Variants in PPP2R5E observed in about 807,000 individuals in gnomAD.
PPP2R5E encodes protein phosphatase 2 regulatory subunit B'epsilon.
A neutral mutation model predicts 65.3 loss-of-function variants in PPP2R5E; 4 were observed. The ratio of observed to expected loss-of-function variants is 0.06; its 90% CI spans 0.03 to 0.14. PPP2R5E has a LOEUF of 0.14. Ranked by LOEUF, PPP2R5E falls within the 10% of genes least tolerant of loss-of-function variation. The probability of loss-of-function intolerance (pLI) is 1.00; values close to 1 mark genes in which losing one functional copy is unlikely to be tolerated. For synonymous variants in PPP2R5E, 183 were observed against 187.4 expected, an observed-to-expected ratio of 0.98 and a Z score of 0.19; for missense variants, 274 against 556.1, an observed-to-expected ratio of 0.49 and a Z score of 5.10.
In PPP2R5E at chr14:63,384,487, T is replaced by C; in HGVS notation, c.1159A>G (p.Met387Val). The change falls in exon 12 of 14, where the codon ATG (methionine) becomes GTG (valine). Residue 387 changes from methionine (M) to valine (V), a missense_variant. This residue lies in a region of PPP2R5E where 129 missense variants were observed against 254.9 expected (regional missense o/e 0.51). Coordinates refer to ENST00000337537, the MANE Select transcript of PPP2R5E (RefSeq NM_006246.5). Reference protein sequence around the residue: ...EENSNVILPIMFSSLYRISKE... With the variant: ...EENSNVILPIVFSSLYRISKE... ...GAAATCCTATAAAGGCTGGAAAACA[T>C]GATGGGAAGGATGACGTTAGAGTTT... is the stretch of plus-strand genomic sequence containing the variant. 1 of 1,613,866 alleles carries C rather than the reference T, an allele frequency of 6.2e-7. No homozygotes were observed. Among genetic ancestry groups the C allele is most frequent in the Non-Finnish European group, 8.5e-7 (1 of 1,179,878 alleles).
intron 2 of PPP2R5E, among the ~76,000 whole-genome samples, chr14:63,478,589 G>GTATAC (rs3080649): frequency 0.33 from 49,403 of 151,504 alleles, 10,683 homozygotes; most frequent in African/African-American, 0.62. Flanking sequence ...GGAAAACACG[G>GTATAC]TCATGGGAGA....
chr14:63,385,050 G>A (rs1884583509), intron 11 of PPP2R5E, among the ~76,000 whole-genome samples: 1 of 152,002 alleles, frequency 6.6e-6, no homozygotes, highest in African/African-American at 2.4e-5. Context: ...AAGTGGGCCA[G>A]GCACGGTGGC....
At chr14:63,446,934 T>G (rs1052379985) in intron 3 of PPP2R5E, among the ~76,000 whole-genome samples, 1 of 152,110 alleles carries the variant, frequency 6.6e-6, no homozygotes, top group Non-Finnish European at 1.5e-5. Context: ...AGTAATACTT[T>G]GGGGGAAAAG....
At chr14:63,542,559 A>G (rs1893943279) in intron 1 of PPP2R5E, among the ~76,000 whole-genome samples, 1 of 152,134 alleles carries the variant, frequency 6.6e-6, no homozygotes, top group Non-Finnish European at 1.5e-5. Context: ...AAGGTGGAGA[A>G]AAAGGGGGGA....
rs1386045885 is a variant in PPP2R5E, at chr14:63,511,314, AT to A, written c.157+28214del. ...GCTTTAGAGAACCCCACAAGCCACC[AT>A]GTGGAGAAGCCCAGGCTAACCTGCT... On this transcript the variant is annotated intron_variant, in intron 2 of 13. Transcript: ENST00000337537. 2.6e-5 allele frequency among the ~76,000 whole-genome samples: 4 copies of A among 152,312 alleles called. No individual in the cohort carries two copies. The East Asian group carries it at 7.7e-4, about 29-fold the overall frequency.
chr14:63,491,744 G>A (rs1029693800), intron 2 of PPP2R5E, among the ~76,000 whole-genome samples: 1 of 152,074 alleles, frequency 6.6e-6, no homozygotes, highest in Non-Finnish European at 1.5e-5. Context: ...CTACTCAGGA[G>A]GCTAAGGCAG....
At chr14:63,437,011 T>C (rs1272590530) in intron 3 of PPP2R5E, among the ~76,000 whole-genome samples, 1 of 152,090 alleles carries the variant, frequency 6.6e-6, no homozygotes, top group Non-Finnish European at 1.5e-5. Context: ...ACCTTACTGA[T>C]AAAACAGGAT....
At chr14:63,519,176 T>C (rs1892781713) in intron 2 of PPP2R5E, among the ~76,000 whole-genome samples, 1 of 151,730 alleles carries the variant, frequency 6.6e-6, no homozygotes, top group South Asian at 2.1e-4. Flanking sequence ...ATCGTGCCAT[T>C]GCACTCCAGG....
At chr14:63,470,944 G>C (rs1035002335) in intron 2 of PPP2R5E, among the ~76,000 whole-genome samples, 6 of 152,054 alleles carry the variant, frequency 3.9e-5, no homozygotes, top group Non-Finnish European at 8.8e-5. Context: ...TTACAAAGGT[G>C]ACCAAGCAAT....
At chr14:63,407,945 G>C (rs1348988702) in intron 5 of PPP2R5E, among the ~76,000 whole-genome samples, 1 of 152,194 alleles carries the variant, frequency 6.6e-6, no homozygotes. Flanking sequence ...AGAACTGTAA[G>C]AAATAAACTT....
At chr14:63,430,381 A>ACATACATACATACATACATACATG (rs1887591162) in intron 3 of PPP2R5E, among the ~76,000 whole-genome samples, 1 of 132,974 alleles carries the variant, frequency 7.5e-6, no homozygotes, top group East Asian at 2.9e-4. Context: ...ATGCATGCAT[A>ACATACATACATACATACATACATG]CATACATACA....
At chr14:63,487,143 C>T (rs987119842) in intron 2 of PPP2R5E, among the ~76,000 whole-genome samples, 11 of 152,296 alleles carry the variant, frequency 7.2e-5, no homozygotes, top group Admixed American at 3.3e-4. Flanking sequence ...TATTTCCTAC[C>T]TTAGGAAGAA....
chr14:63,530,630 C>CTTTTTTT (rs954359159), intron 2 of PPP2R5E, among the ~76,000 whole-genome samples: 18 of 81,296 alleles, frequency 2.2e-4, no homozygotes, highest in Non-Finnish European at 2.9e-4. Flanking sequence ...CTCTCAATTT[C>CTTTTTTT]TTTTTTTTTT....
intron 8 of PPP2R5E, 144 bp downstream of exon 8, chr14:63,393,676 C>T (rs905664389): frequency 1.8e-5 from 10 of 566,136 alleles, no homozygotes; most frequent in Non-Finnish European, 2.5e-5. Context: ...TGTCCCACTG[C>T]ACTCCAGCCT....
At chr14:63,389,786 A>G in intron 10 of PPP2R5E, 55 bp from the exon 11 acceptor site, 1 of 1,474,308 alleles carries the variant, frequency 6.8e-7, no homozygotes, top group Non-Finnish European at 9.0e-7. Context: ...AAAAATCCAT[A>G]AGAACAAGGA....
chr14:63,412,361 G>C (rs1313870072), intron 5 of PPP2R5E, among the ~76,000 whole-genome samples: 2 of 152,200 alleles, frequency 1.3e-5, no homozygotes, highest in African/African-American at 4.8e-5. Context: ...AACATAAGTT[G>C]GCAATGTCAT....
intron 1 of PPP2R5E, 21 bp from the exon 2 acceptor site, chr14:63,539,713 T>C: frequency 6.2e-7 from 1 of 1,601,004 alleles, no homozygotes; most frequent in South Asian, 1.1e-5. Flanking sequence ...AGAAGTATCA[T>C]AAACCCATAC....
intron 2 of PPP2R5E, chr14:63,508,166 T>C (rs1396672107): frequency 1.0e-6 from 1 of 985,448 alleles, no homozygotes; most frequent in Admixed American, 6.2e-5. Context: ...CAGGCCTTCA[T>C]TACCAAGTGT....
At chr14:63,504,985 T>C (rs1001999622) in intron 2 of PPP2R5E, among the ~76,000 whole-genome samples, 4 of 152,180 alleles carry the variant, frequency 2.6e-5, no homozygotes, top group Non-Finnish European at 5.9e-5. Flanking sequence ...AAAGATTTCA[T>C]TGGGAAGACA....
Sources: allele counts gnomAD v4.1 joint callset (sites outside exome capture counted in the v4.1 genomes callset), GRCh38; gene constraint gnomAD v4.1.1; regional missense constraint gnomAD v4.1.1; transcripts MANE v1.5; gene names NCBI Gene and HGNC (gene_info 2026-07-23, HGNC 2026-07-21).